The following ANXA4 variants were observed in gnomAD, a reference collection of about 807,000 sequenced individuals.
The protein encoded by ANXA4 is 35-beta calcimedin.
In ANXA4, 39 loss-of-function variants were observed where a neutral mutation model predicts 49.8. The observed-to-expected ratio is 0.78, with a 90% CI of 0.61 to 1.02. The LOEUF (loss-of-function observed/expected upper bound fraction) is 1.02. Ranked by LOEUF, ANXA4 falls within the 50% of genes least tolerant of loss-of-function variation. The pLI is 0.00. For missense variants in ANXA4, 360 were observed against 410.1 expected, an observed-to-expected ratio of 0.88 and a Z score of 1.05; for synonymous variants, 134 against 152.5, an observed-to-expected ratio of 0.88 and a Z score of 0.89.
chr2:69,692,400 A>C (rs1678006927), intron 2 of ANXA4, among the ~76,000 whole-genome samples: 1 of 152,192 alleles, frequency 6.6e-6, no homozygotes, highest in Non-Finnish European at 1.5e-5. Context: ...TGTGCTGTGC[A>C]CTTGGTTTGG....
chr2:69,763,574 T>C (rs1306199414), intron 1 of ANXA4, among the ~76,000 whole-genome samples: 1 of 152,150 alleles, frequency 6.6e-6, no homozygotes, highest in Non-Finnish European at 1.5e-5. Context: ...TTCCCTCCTG[T>C]ACTTTAATTT....
chr2:69,718,705 GCGCACA>G (rs1669720948), intron 2 of ANXA4, among the ~76,000 whole-genome samples: 1 of 151,634 alleles, frequency 6.6e-6, no homozygotes. Flanking sequence ...GCATGCACAT[GCGCACA>G]CATGCACACA....
At position 69,725,692 on chromosome 2, in the gene ANXA4, G is replaced by A. The variant is rs57065113; in HGVS notation, n.864+4821G>A. ...AGAGAAGAGCAAACAGTGGGTGAAG[G>A]GAGTGTGTGGCCTTCAGGCTAATGT... On this transcript the variant is annotated intron_variant and non_coding_transcript_variant, in intron 3 of 3. Transcript: ENST00000418066. Among the ~76,000 whole-genome samples, 1,102 of 152,232 alleles carry A rather than the reference G, an allele frequency of 7.2e-3. 16 individuals carry two copies. Among genetic ancestry groups the A allele is most frequent in the African/African-American group, 0.025 (1,029 of 41,550 alleles).
At chr2:69,743,596 A>G (rs993563190) in intron 1 of ANXA4, among the ~76,000 whole-genome samples, 3 of 152,170 alleles carry the variant, frequency 2.0e-5, no homozygotes, top group African/African-American at 7.2e-5. Context: ...GTGGACAGGG[A>G]TAAGAAAACG....
intron 3 of ANXA4, among the ~76,000 whole-genome samples, chr2:69,732,935 G>A (rs1012713753): frequency 3.9e-5 from 6 of 152,170 alleles, no homozygotes; most frequent in Non-Finnish European, 5.9e-5. Context: ...ACCATGATCT[G>A]TGACTTTCTT....
At chr2:69,804,848 C>A (rs1473548557) in intron 4 of ANXA4, among the ~76,000 whole-genome samples, 2 of 151,906 alleles carry the variant, frequency 1.3e-5, no homozygotes, top group Non-Finnish European at 2.9e-5. Flanking sequence ...GAGTTTGAGA[C>A]CAACCTGGCC....
At chr2:69,752,682 T>C (rs13409932) in intron 1 of ANXA4, among the ~76,000 whole-genome samples, 2,137 of 152,316 alleles carry the variant, frequency 0.014, 53 homozygotes, top group African/African-American at 0.049. Flanking sequence ...GCAGGGACGA[T>C]GCAGCCCCCT....
At chr2:69,808,060 CG>C (rs1673526046) in intron 6 of ANXA4, 64 bp downstream of exon 6, 8 of 1,491,154 alleles carry the variant, frequency 5.4e-6, no homozygotes, top group Non-Finnish European at 7.5e-6. Context: ...AGGGTAGCAG[CG>C]GGTTGTTGTT....
intron 2 of ANXA4, among the ~76,000 whole-genome samples, chr2:69,676,163 A>C (rs1210233101): frequency 6.6e-6 from 1 of 152,130 alleles, no homozygotes; most frequent in Non-Finnish European, 1.5e-5. Context: ...TGAAATGTGA[A>C]AAAATGTGAA....
chr2:69,717,377 C>T (rs768535734), intron 2 of ANXA4, among the ~76,000 whole-genome samples: 7 of 152,126 alleles, frequency 4.6e-5, no homozygotes, highest in Non-Finnish European at 1.0e-4. Flanking sequence ...TCCCACACTC[C>T]CAAAGCCCAT....
intron 6 of ANXA4, chr2:69,810,320 C>T: frequency 2.6e-6 from 1 of 380,202 alleles, no homozygotes; most frequent in Non-Finnish European, 5.0e-6. Flanking sequence ...GATGGTGCCA[C>T]TGCACTCCAG....
intron 2 of ANXA4, among the ~76,000 whole-genome samples, chr2:69,711,925 C>G (rs527418609): frequency 6.6e-6 from 1 of 151,806 alleles, no homozygotes; most frequent in East Asian, 1.9e-4. Context: ...ATGGGGGGGT[C>G]TCTACTGCAG....
intron 2 of ANXA4, among the ~76,000 whole-genome samples, chr2:69,664,459 A>G (rs757283651): frequency 1.3e-5 from 2 of 152,166 alleles, no homozygotes; most frequent in African/African-American, 4.8e-5. Flanking sequence ...TACACCTAAC[A>G]TTTACTTACT....
At chr2:69,741,749 G>A (rs963279414), upstream of ANXA4, among the ~76,000 whole-genome samples, 14 of 152,234 alleles carry the variant, frequency 9.2e-5, no homozygotes, top group Admixed American at 7.8e-4. Flanking sequence ...GAACTGGCGA[G>A]GTGGCCCGGG....
intron 9 of ANXA4, chr2:69,817,210 TGGG>T (rs769535812): frequency 1.3e-5 from 2 of 151,872 alleles, no homozygotes; most frequent in Non-Finnish European, 2.9e-5. Flanking sequence ...TTTTCACTTC[TGGG>T]TACAAGTCAA....
At position 69,677,396 on chromosome 2, in the gene ANXA4, A is replaced by G. The variant is rs79576679; in HGVS notation, n.766+24114A>G. On this transcript the variant is annotated intron_variant and non_coding_transcript_variant, in intron 2 of 3. Coordinates refer to the ANXA4 transcript ENST00000418066. ...AGGTGTGTGCCACCACGCCCTGCTG[A>G]TTTTTGAATTTTTAGTAGAGACAGG... Among the ~76,000 whole-genome samples the G allele has an allele frequency of 4.6e-5, 7 of 151,840 alleles. No homozygotes were observed. The South Asian group carries it at 1.5e-3, about 32-fold the overall frequency.
chr2:69,798,716 A>G (rs760479254), intron 3 of ANXA4, among the ~76,000 whole-genome samples: 2 of 152,190 alleles, frequency 1.3e-5, no homozygotes, highest in Non-Finnish European at 2.9e-5. Flanking sequence ...TGTTTTTGAT[A>G]GTTATTTGAG....
chr2:69,686,918 T>G (rs559345064), intron 2 of ANXA4, among the ~76,000 whole-genome samples: 1 of 152,320 alleles, frequency 6.6e-6, no homozygotes, highest in African/African-American at 2.4e-5. Context: ...GTTCTCTGCA[T>G]TTGTCAGGAC....
intron 2 of ANXA4, among the ~76,000 whole-genome samples, chr2:69,664,857 C>T (rs1258632988): frequency 6.6e-6 from 1 of 152,172 alleles, no homozygotes; most frequent in Admixed American, 6.5e-5. Flanking sequence ...AATCCCAGCA[C>T]TTTGGGAGGC....
Sources: allele counts gnomAD v4.1 joint callset (sites outside exome capture counted in the v4.1 genomes callset), GRCh38; gene constraint gnomAD v4.1.1; transcripts MANE v1.5; gene names NCBI Gene and HGNC (gene_info 2026-07-23, HGNC 2026-07-21).